PMEPA1: variants seen among roughly 807,000 people sequenced by gnomAD.
The protein encoded by PMEPA1 is protein TMEPAI.
PMEPA1 carries 11 observed loss-of-function variants against 23.0 expected under a neutral mutation model. The ratio of observed to expected loss-of-function variants is 0.48; its 90% CI spans 0.30 to 0.79. The LOEUF is 0.79. PMEPA1 is among the 30% of genes least tolerant of loss of function. The pLI, the probability that PMEPA1 is intolerant of heterozygous loss-of-function variation, is 0.06. For synonymous variants in PMEPA1, 204 were observed against 166.4 expected (o/e 1.23, Z -1.74); for missense variants, 377 against 390.9 (o/e 0.96, Z 0.30).
In PMEPA1 at chr20:57,655,557, G is replaced by A. The variant is rs1346198476; in HGVS notation, c.265-2471C>T. ...AGGTTCCAAAGTGGCTTGAGAAGTCGGGGGAGGTGGGCCCAGCTTCAGAAT... is the reference window on the plus strand; with the variant it reads ...AGGTTCCAAAGTGGCTTGAGAAGTCAGGGGAGGTGGGCCCAGCTTCAGAAT... On this transcript the variant is annotated intron_variant, in intron 2 of 3. Coordinates refer to ENST00000341744, the MANE Select transcript of PMEPA1 (RefSeq NM_020182.5). The surrounding 1 kb of genome is among the most constrained non-coding windows in gnomAD (Gnocchi z 4.2). Among the ~76,000 whole-genome samples, 4 of 152,200 alleles carry A rather than the reference G, an allele frequency of 2.6e-5. No individual in the cohort carries two copies. Among genetic ancestry groups the A allele is most frequent in the Non-Finnish European group, 4.4e-5 (3 of 68,044 alleles).
In PMEPA1 at chr20:57,704,562, T is replaced by A. The variant is rs2072052739; in HGVS notation, c.109+4912A>T. Among the ~76,000 whole-genome samples, 1 of 152,182 alleles carries A rather than the reference T, an allele frequency of 6.6e-6. No individual in the cohort carries two copies. On this transcript the variant is annotated intron_variant, in intron 1 of 3. Coordinates refer to ENST00000341744, the MANE Select transcript of PMEPA1 (RefSeq NM_020182.5). This position sits in a 1 kb window ranked among gnomAD's most constrained non-coding sequence, Gnocchi z 4.6. ...GCCTCCGAAATTCACCGTGTAAGAG[T>A]TCCTTCTCTTTGGGCAGGATCCCAG...
At chr20:57,667,648 G>T (rs561613938) in intron 1 of PMEPA1, among the ~76,000 whole-genome samples, 1 of 152,328 alleles carries the variant, frequency 6.6e-6, no homozygotes, top group Admixed American at 6.5e-5. Context: ...CTGGCCTCCT[G>T]GCCGCACACC....
At chr20:57,705,311 T>G (rs577578496) in intron 1 of PMEPA1, among the ~76,000 whole-genome samples, 1 of 152,244 alleles carries the variant, frequency 6.6e-6, no homozygotes, top group Non-Finnish European at 1.5e-5. Context: ...TGAGGCCAAC[T>G]GTCTGACCTA....
chr20:57,651,835 G>T lies in PMEPA1; in HGVS notation c.*218C>A, dbSNP rs1023391538. On this transcript the variant is annotated 3_prime_UTR_variant, in exon 4 of 4. Transcript: ENST00000341744. ...AGACACAGCTCAACAAAGAAACGTG[G>T]TTTTTTTTTTTCTTTTTTCTTTTTT... 91 of 305,414 alleles carry T rather than the reference G, an allele frequency of 3.0e-4. 1 individual carries two copies. Among genetic ancestry groups the T allele is most frequent in the African/African-American group, 1.2e-3 (53 of 42,866 alleles). The allele number at this position is 305,414 out of a possible 1,614,324, so 18.9% of individuals were successfully genotyped here. A position where few individuals can be genotyped will look rare whatever the true frequency, so the allele number is the denominator to read the frequency against.
At chr20:57,654,446 CAT>C (rs1334103767) in intron 2 of PMEPA1, among the ~76,000 whole-genome samples, 3 of 152,016 alleles carry the variant, frequency 2.0e-5, no homozygotes, top group Non-Finnish European at 2.9e-5. Flanking sequence ...GGTAATTTCC[CAT>C]ATGGCCACTA....
At chr20:57,665,576 A>C (rs2071481279) in intron 1 of PMEPA1, among the ~76,000 whole-genome samples, 2 of 151,886 alleles carry the variant, frequency 1.3e-5, no homozygotes, top group African/African-American at 2.4e-5. Context: ...TCAGAACGGG[A>C]CAGAACGTAG....
chr20:57,659,356 C>A (rs1464797363), intron 2 of PMEPA1, among the ~76,000 whole-genome samples, 187 bp downstream of exon 2: 1 of 152,230 alleles, frequency 6.6e-6, no homozygotes, highest in Non-Finnish European at 1.5e-5. Flanking sequence ...ATCTCTGAGG[C>A]CCGCCTGGCG....
At chr20:57,701,241 C>T (rs188299551) in intron 1 of PMEPA1, among the ~76,000 whole-genome samples, 27 of 152,190 alleles carry the variant, frequency 1.8e-4, no homozygotes, top group Non-Finnish European at 3.7e-4. Context: ...CTGATACCGC[C>T]GAAGTTGAGT....
chr20:57,678,272 C>T (rs530914882), intron 1 of PMEPA1, among the ~76,000 whole-genome samples: 2 of 152,336 alleles, frequency 1.3e-5, no homozygotes, highest in South Asian at 2.1e-4. Context: ...TTATGTAAGA[C>T]GGTACCATTG....
chr20:57,674,912 T>C (rs157088), intron 1 of PMEPA1, among the ~76,000 whole-genome samples: 29,811 of 152,200 alleles, frequency 0.2, 3,156 homozygotes, highest in South Asian at 0.27. Context: ...GCTGGACTTA[T>C]ATCTGGACAG....
At chr20:57,672,537 G>T (rs921751135) in intron 1 of PMEPA1, among the ~76,000 whole-genome samples, 1 of 152,238 alleles carries the variant, frequency 6.6e-6, no homozygotes, top group Non-Finnish European at 1.5e-5. Flanking sequence ...GCGTGCTGGA[G>T]AGCCTCTGAG....
chr20:57,666,910 G>A (rs1161172910), intron 1 of PMEPA1, among the ~76,000 whole-genome samples: 2 of 152,240 alleles, frequency 1.3e-5, no homozygotes, highest in Non-Finnish European at 2.9e-5. Context: ...AATCACAGGC[G>A]AGGGGACGGG....
intron 1 of PMEPA1, among the ~76,000 whole-genome samples, chr20:57,664,703 G>A (rs2071469187): frequency 6.6e-6 from 1 of 152,224 alleles, no homozygotes; most frequent in Non-Finnish European, 1.5e-5. Context: ...CGGAAGGAGA[G>A]AAGGCCCAGC....
In PMEPA1 at chr20:57,690,353, A is replaced by T. The variant is rs558679746; in HGVS notation, c.109+19121T>A. On this transcript the variant is annotated intron_variant, in intron 1 of 3. Coordinates refer to ENST00000341744, the MANE Select transcript of PMEPA1 (RefSeq NM_020182.5). ...CACCCGCCCTGCATCAGCGCTACAC[A>T]TGCAAATGCTCCTGAGAATATCCCC... The T allele has an allele frequency of 1.1e-5, 12 of 1,063,050 alleles. No individual in the cohort carries two copies. In the Admixed American group the frequency reaches 2.8e-4, roughly 25 times the overall value. 65.9% of individuals were successfully genotyped at this position (1,063,050 alleles called of 1,614,324 possible). A position where few individuals can be genotyped will look rare whatever the true frequency, so the allele number is the denominator to read the frequency against.
chr20:57,709,886 T>C lies in PMEPA1; in HGVS notation c.-304A>G. The stretch of plus-strand genomic sequence containing the variant: ...CGCGCGCTGCCGCCGGGGCTGAGCC[T>C]CTGCCGCTAGCTTTCCCCAGCCGAG... On this transcript the variant is annotated 5_prime_UTR_variant, in exon 1 of 4. Coordinates refer to ENST00000341744, the MANE Select transcript of PMEPA1 (RefSeq NM_020182.5). 1.0e-6 allele frequency: 1 copy of C among 1,003,386 alleles called. No individual in the cohort carries two copies. Among genetic ancestry groups the C allele is most frequent in the African/African-American group, 1.8e-5 (1 of 56,984 alleles). 62.2% of individuals were successfully genotyped at this position (1,003,386 alleles called of 1,614,324 possible).
chr20:57,651,888 T>G lies in PMEPA1; in HGVS notation c.*165A>C, dbSNP rs540306193. 5.4e-5 allele frequency: 24 copies of G among 444,090 alleles called. No individual in the cohort carries two copies. Among genetic ancestry groups the G allele is most frequent in the Non-Finnish European group, 8.9e-5 (23 of 258,362 alleles). 27.5% of individuals were successfully genotyped at this position (444,090 alleles called of 1,614,324 possible). A position where few individuals can be genotyped will look rare whatever the true frequency, so the allele number is the denominator to read the frequency against. ...TTTGCAAGCTCTCTTAGCTTGTGCA[T>G]TCAGACCAGACATCACATGTAAATA... On this transcript the variant is annotated 3_prime_UTR_variant, in exon 4 of 4. Transcript: ENST00000341744.
intron 1 of PMEPA1, among the ~76,000 whole-genome samples, chr20:57,684,758 G>A (rs1462214898): frequency 6.6e-6 from 1 of 151,104 alleles, no homozygotes; most frequent in Non-Finnish European, 1.5e-5. Flanking sequence ...AACCTCTGGT[G>A]TTTTATTTGT....
chr20:57,657,559 G>A (rs1449229635), intron 2 of PMEPA1, among the ~76,000 whole-genome samples: 1 of 152,228 alleles, frequency 6.6e-6, no homozygotes, highest in Non-Finnish European at 1.5e-5. Flanking sequence ...AGAGCAGCAG[G>A]TCTGCAGCAC....
At chr20:57,686,793 C>T (rs952579684) in intron 1 of PMEPA1, among the ~76,000 whole-genome samples, 1 of 152,200 alleles carries the variant, frequency 6.6e-6, no homozygotes, top group African/African-American at 2.4e-5. Flanking sequence ...AAGAGTGGAG[C>T]TCAGTGCTGG....
Sources: gnomAD v4.1 joint callset for allele counts (sites outside exome capture counted in the v4.1 genomes callset) on GRCh38, gnomAD v4.1.1 for gene constraint, Gnocchi (gnomAD v3.1) non-coding constraint, MANE v1.5 for transcripts, NCBI Gene and HGNC (gene_info 2026-07-23, HGNC 2026-07-21) for gene names.